The following RBMS1 variants were observed in gnomAD, a reference collection of about 807,000 sequenced individuals.
RBMS1 encodes the protein RNA-binding motif, single-stranded-interacting protein 1.
Under a neutral mutation model 62.3 loss-of-function variants are expected in RBMS1, and 17 were observed. The ratio of observed to expected loss-of-function variants is 0.27; its 90% CI spans 0.19 to 0.41. The LOEUF is 0.41. Ranked by LOEUF, RBMS1 falls within the 10% of genes least tolerant of loss-of-function variation. RBMS1 has a pLI of 1.00. For missense variants in RBMS1, 334 were observed against 504.5 expected, an observed-to-expected ratio of 0.66 and a Z score of 3.24; for synonymous variants, 172 against 170.0, an observed-to-expected ratio of 1.01 and a Z score of -0.09.
At chr2:160,488,822 A>C (rs574449283) in intron 1 of RBMS1, among the ~76,000 whole-genome samples, 34 of 152,286 alleles carry the variant, frequency 2.2e-4, no homozygotes, top group Admixed American at 7.8e-4. Context: ...TATTATTTCT[A>C]TAATATTCCA....
intron 1 of RBMS1, among the ~76,000 whole-genome samples, chr2:160,429,246 T>C (rs930217300): frequency 6.6e-6 from 1 of 152,200 alleles, no homozygotes; most frequent in Non-Finnish European, 1.5e-5. Context: ...TTTTTTCATA[T>C]AATATGATCA....
chr2:160,486,555 G>A (rs1014296917), intron 1 of RBMS1, among the ~76,000 whole-genome samples: 2 of 152,164 alleles, frequency 1.3e-5, no homozygotes, highest in Admixed American at 6.5e-5. Context: ...CATAGCGCAT[G>A]TTGTTCAATG....
chr2:160,465,888 A>ACACACACACACACACTCT (rs569580064), intron 1 of RBMS1, among the ~76,000 whole-genome samples: 1 of 145,280 alleles, frequency 6.9e-6, no homozygotes, highest in Non-Finnish European at 1.5e-5. Context: ...ACACACACAC[A>ACACACACACACACACTCT]CTCTCACATT....
At chr2:160,409,399 C>T (rs12692596) in intron 1 of RBMS1, among the ~76,000 whole-genome samples, 50,570 of 151,936 alleles carry the variant, frequency 0.33, 8,883 homozygotes, top group Admixed American at 0.46. Context: ...GATTAAGTAT[C>T]AAACACAGTA....
intron 1 of RBMS1, among the ~76,000 whole-genome samples, chr2:160,471,282 T>C (rs1182441536): frequency 6.6e-6 from 1 of 152,098 alleles, no homozygotes; most frequent in Non-Finnish European, 1.5e-5. Flanking sequence ...TGCGTGTAAA[T>C]TGGTCACTCT....
intron 4 of RBMS1, among the ~76,000 whole-genome samples, chr2:160,310,707 G>A (rs1689804535): frequency 7.6e-6 from 1 of 131,200 alleles, no homozygotes; most frequent in Admixed American, 7.3e-5. Context: ...TTTTCCGAGT[G>A]TGCCCTAAAA....
intron 2 of RBMS1, among the ~76,000 whole-genome samples, chr2:160,325,114 T>C (rs1433581529): frequency 2.6e-5 from 4 of 151,954 alleles, no homozygotes; most frequent in Non-Finnish European, 5.9e-5. Context: ...AGGCCAAGCA[T>C]GTTGACAGCT....
chr2:160,328,542 T>C (rs1025048745), intron 2 of RBMS1, among the ~76,000 whole-genome samples: 2 of 152,080 alleles, frequency 1.3e-5, no homozygotes, highest in African/African-American at 4.8e-5. Context: ...GGGAAATACA[T>C]TTTGCCTTAG....
chr2:160,485,260 C>T (rs1290333304), intron 1 of RBMS1, among the ~76,000 whole-genome samples: 1 of 152,216 alleles, frequency 6.6e-6, no homozygotes, highest in African/African-American at 2.4e-5. Context: ...TGTGACTTCA[C>T]AAGCTGCACC....
chr2:160,334,872 A>C (rs1360255287), intron 2 of RBMS1, among the ~76,000 whole-genome samples: 1 of 152,108 alleles, frequency 6.6e-6, no homozygotes, highest in Non-Finnish European at 1.5e-5. Context: ...AACACAACCC[A>C]AAACGGTAGT....
intron 1 of RBMS1, among the ~76,000 whole-genome samples, chr2:160,452,043 C>A (rs918696691): frequency 1.3e-5 from 2 of 152,048 alleles, no homozygotes; most frequent in African/African-American, 4.8e-5. Flanking sequence ...CAAACTTGAA[C>A]CCCTTAAAGA....
intron 1 of RBMS1, among the ~76,000 whole-genome samples, chr2:160,375,313 TGCCCCTTA>T (rs1313221690): frequency 2.0e-5 from 3 of 152,216 alleles, no homozygotes; most frequent in Non-Finnish European, 4.4e-5. Context: ...CATTTTCCTA[TGCCCCTTA>T]GGCCAGCATG....
At chr2:160,442,887 T>C (rs1683465925) in intron 1 of RBMS1, among the ~76,000 whole-genome samples, 1 of 152,192 alleles carries the variant, frequency 6.6e-6, no homozygotes, top group African/African-American at 2.4e-5. Flanking sequence ...TTCTTGTTTC[T>C]TTTTAAACCC....
chr2:160,447,855 C>T (rs563747348), intron 1 of RBMS1, among the ~76,000 whole-genome samples: 2 of 152,298 alleles, frequency 1.3e-5, no homozygotes, highest in South Asian at 4.1e-4. Context: ...GGATGATGCC[C>T]TTGATAACCA....
chr2:160,417,790 T>C (rs1188261631), intron 1 of RBMS1, among the ~76,000 whole-genome samples: 2 of 152,222 alleles, frequency 1.3e-5, no homozygotes, highest in Non-Finnish European at 2.9e-5. Context: ...TAACCTTGGC[T>C]TTAGAAAAAT....
intron 1 of RBMS1, among the ~76,000 whole-genome samples, chr2:160,488,371 T>C (rs943380742): frequency 2.6e-5 from 4 of 151,158 alleles, no homozygotes; most frequent in African/African-American, 9.7e-5. Context: ...AGGTCCGGAG[T>C]TCAAGACCAG....
At chr2:160,458,858 T>C (rs1055093251) in intron 1 of RBMS1, among the ~76,000 whole-genome samples, 1 of 151,930 alleles carries the variant, frequency 6.6e-6, no homozygotes, top group Non-Finnish European at 1.5e-5. Context: ...ATGTAAACTA[T>C]ATGCACAGTT....
In RBMS1 at chr2:160,320,387, C is replaced by T. The variant is rs147508452; in HGVS notation, c.252-2160G>A. Among the ~76,000 whole-genome samples the T allele has an allele frequency of 3.5e-3, 535 of 152,160 alleles. 2 individuals carry two copies. Among genetic ancestry groups the T allele is most frequent in the Non-Finnish European group, 6.0e-3 (407 of 68,012 alleles). Reference sequence around the variant, plus strand: ...ACTTAGGAGGCTGAGGTGGGAGGGTCGCTTTAGCCTGGGAGGCAGAGGTTG... The same window carrying T: ...ACTTAGGAGGCTGAGGTGGGAGGGTTGCTTTAGCCTGGGAGGCAGAGGTTG... On this transcript the variant is annotated intron_variant, in intron 2 of 13. Transcript: ENST00000348849.
intron 3 of RBMS1, among the ~76,000 whole-genome samples, chr2:160,315,888 T>C (rs1214017237): frequency 6.6e-6 from 1 of 152,330 alleles, no homozygotes; most frequent in South Asian, 2.1e-4. Context: ...GTTATTCTAA[T>C]GTTTCCTTCA....
Sources: allele counts gnomAD v4.1 joint callset (sites outside exome capture counted in the v4.1 genomes callset), GRCh38; gene constraint gnomAD v4.1.1; transcripts MANE v1.5; gene names NCBI Gene and HGNC (gene_info 2026-07-23, HGNC 2026-07-21).